Variants in CA5B observed in about 807,000 individuals in gnomAD.
The protein encoded by CA5B is carbonic anhydrase 5B.
A neutral mutation model predicts 23.1 loss-of-function variants in CA5B; 15 were observed. That is an observed-to-expected ratio of 0.65 (90% CI 0.43 to 1.00). CA5B has a LOEUF of 1.00. Ranked by LOEUF, CA5B falls within the 50% of genes least tolerant of loss-of-function variation. The pLI is 0.00. For missense variants in CA5B, 236 were observed against 252.2 expected (o/e 0.94, Z 0.43); for synonymous variants, 84 against 98.5 (o/e 0.85, Z 0.87).
At chrX:15,755,694 G>C (rs1249125686) in intron 2 of CA5B, among the ~76,000 whole-genome samples, 1 of 112,311 alleles carries the variant, frequency 8.9e-6, no homozygotes, top group Admixed American at 9.4e-5. Context: ...CCAGGACTTT[G>C]GGAGGCCAAG....
chrX:15,752,942 C>A (rs1314156097), intron 2 of CA5B, among the ~76,000 whole-genome samples: 1 of 111,611 alleles, frequency 9.0e-6, no homozygotes, highest in East Asian at 2.8e-4. Context: ...ACAAACTCAA[C>A]CAATTGTCAA....
intron 2 of CA5B, among the ~76,000 whole-genome samples, chrX:15,752,674 G>A (rs368623100): frequency 1.8e-5 from 2 of 109,583 alleles, no homozygotes; most frequent in African/African-American, 3.3e-5. Context: ...GCAGTGAGCC[G>A]AGATCGCGCC....
At chrX:15,763,681 T>C (rs1468118707) in intron 2 of CA5B, among the ~76,000 whole-genome samples, 1 of 112,461 alleles carries the variant, frequency 8.9e-6, no homozygotes, top group Non-Finnish European at 1.9e-5. Flanking sequence ...GGGAATTTAT[T>C]AGTGGAAATT....
chrX:15,752,464 G>A (rs868287645), intron 2 of CA5B, among the ~76,000 whole-genome samples: 1 of 112,272 alleles, frequency 8.9e-6, no homozygotes, highest in African/African-American at 3.2e-5. Flanking sequence ...GATGGCTTAC[G>A]CCTGTAATCT....
intron 2 of CA5B, among the ~76,000 whole-genome samples, chrX:15,763,991 C>T (rs1473736663): frequency 1.8e-5 from 2 of 111,450 alleles, no homozygotes; most frequent in African/African-American, 6.5e-5. Context: ...TTCTCTCTGG[C>T]CCCCCAGCAG....
intron 3 of CA5B, among the ~76,000 whole-genome samples, chrX:15,771,464 T>A (rs1161317572): frequency 9.2e-6 from 1 of 108,619 alleles, no homozygotes. Context: ...TCTCGGTCTG[T>A]CACTCAGGCT....
chrX:15,767,573 T>TGGAAA (rs1931733860), intron 3 of CA5B, among the ~76,000 whole-genome samples: 1 of 107,934 alleles, frequency 9.3e-6, no homozygotes, highest in Non-Finnish European at 1.9e-5. Flanking sequence ...GGCTAATTTT[T>TGGAAA]TTGTTTGTTT....
rs762543175 is a variant in CA5B, at chrX:15,741,488, G to GA, written c.-54+3136_-54+3137insA. Among the ~76,000 whole-genome samples the GA allele has an allele frequency of 5.8e-5, 6 of 104,273 alleles. No homozygotes were observed. In the South Asian group the frequency reaches 2.6e-3, roughly 45 times the overall value. The allele number at this position is 104,273 out of a possible 115,157, so 90.5% of individuals were successfully genotyped here. A position where few individuals can be genotyped will look rare whatever the true frequency, so the allele number is the denominator to read the frequency against. On this transcript the variant is annotated intron_variant, in intron 1 of 7. Coordinates refer to ENST00000318636, the MANE Select transcript of CA5B (RefSeq NM_007220.4). ...GGTTTGTGGGGGATTTTGTTTGTTTGTTTTTTTTTGAGACAGTGTCTTGCT... is the reference window on the plus strand; with the variant it reads ...GGTTTGTGGGGGATTTTGTTTGTTTGATTTTTTTTTGAGACAGTGTCTTGCT...
intron 2 of CA5B, among the ~76,000 whole-genome samples, chrX:15,757,861 A>G (rs1241887908): frequency 9.0e-6 from 1 of 111,453 alleles, no homozygotes; most frequent in Non-Finnish European, 1.9e-5. Flanking sequence ...GATAAGTGAG[A>G]TGGGTTCTAA....
chrX:15,759,164 A>C (rs1402446750), intron 2 of CA5B, among the ~76,000 whole-genome samples: 1 of 111,477 alleles, frequency 9.0e-6, no homozygotes, highest in Non-Finnish European at 1.9e-5. Flanking sequence ...GAGGAGCACG[A>C]AGAAAGGGAC....
At chrX:15,781,585 A>G (rs1932024669) in intron 7 of CA5B, among the ~76,000 whole-genome samples, 1 of 111,653 alleles carries the variant, frequency 9.0e-6, no homozygotes, top group South Asian at 3.7e-4. Flanking sequence ...TCTATTGGAC[A>G]GCACCAGCAT....
chrX:15,780,408 G>A (rs1932000931), intron 7 of CA5B, among the ~76,000 whole-genome samples: 1 of 110,072 alleles, frequency 9.1e-6, no homozygotes, highest in Admixed American at 9.8e-5. Context: ...AAGTAGCTGG[G>A]ATTACAGGCG....
In CA5B at chrX:15,787,232, A is replaced by G. The variant is rs768842454; in HGVS notation, c.*4568A>G. 1 of 112,161 alleles carries G rather than the reference A, an allele frequency of 8.9e-6. No individual in the cohort carries two copies. The highest frequency in any genetic ancestry group is 1.9e-5 in the Non-Finnish European group (1 of 53,176). 9.2% of individuals were successfully genotyped at this position (112,161 alleles called of 1,213,427 possible). ...CTCGCTGTCTCAAACAGTTCCCTAA[A>G]TCAAGATGTTACATTCCCTAGGAGG... On this transcript the variant is annotated 3_prime_UTR_variant, in exon 8 of 8. Transcript: ENST00000318636.
chrX:15,746,094 G>GTGGT (rs1931227773), intron 1 of CA5B, among the ~76,000 whole-genome samples: 2 of 96,044 alleles, frequency 2.1e-5, no homozygotes, highest in African/African-American at 7.8e-5. Context: ...CTGGAGTGCA[G>GTGGT]TGGTGCAGTG....
At chrX:15,748,963 G>A (rs1032493981) in intron 1 of CA5B, among the ~76,000 whole-genome samples, 3 of 111,708 alleles carry the variant, frequency 2.7e-5, no homozygotes, top group East Asian at 2.8e-4. Flanking sequence ...CACGTAGCTG[G>A]TGGGCAGGCA....
chrX:15,758,411 G>T (rs900087033), intron 2 of CA5B, among the ~76,000 whole-genome samples: 1 of 112,435 alleles, frequency 8.9e-6, no homozygotes, highest in African/African-American at 3.2e-5. Context: ...CTCTGCCTTC[G>T]TGACTATGTC....
chrX:15,759,160 C>T (rs1931550850), intron 2 of CA5B, among the ~76,000 whole-genome samples: 2 of 111,358 alleles, frequency 1.8e-5, no homozygotes, highest in South Asian at 3.8e-4. Flanking sequence ...GGAGGAGGAG[C>T]ACGAAGAAAG....
rs1931727816 is a variant in CA5B, at chrX:15,767,333, A to C, written c.340+2558A>C. ...TTTCTTAACTAAGTGACTTGAGCCC[A>C]AGAACTTTCAGGGTAAATAGCTGTT... On this transcript the variant is annotated intron_variant, in intron 3 of 7. Coordinates refer to ENST00000318636, the MANE Select transcript of CA5B (RefSeq NM_007220.4). Among the ~76,000 whole-genome samples, 4 of 112,093 alleles carry C rather than the reference A, an allele frequency of 3.6e-5. No homozygotes were observed. In the South Asian group the frequency reaches 1.5e-3, roughly 41 times the overall value.
At chrX:15,753,812 G>C (rs1363046660) in intron 2 of CA5B, among the ~76,000 whole-genome samples, 1 of 112,289 alleles carries the variant, frequency 8.9e-6, no homozygotes, top group African/African-American at 3.2e-5. Context: ...AGGAGGCTGA[G>C]GCAAAAGAAT....
Sources: allele counts gnomAD v4.1 joint callset (sites outside exome capture counted in the v4.1 genomes callset), GRCh38; gene constraint gnomAD v4.1.1; transcripts MANE v1.5; gene names NCBI Gene and HGNC (gene_info 2026-07-23, HGNC 2026-07-21).